Variants in NCOA3 observed in about 807,000 individuals in gnomAD.
The protein encoded by NCOA3 is CBP-interacting protein.
NCOA3 carries 51 observed loss-of-function variants against 158.8 expected under a neutral mutation model. That is an observed-to-expected ratio of 0.32 (90% confidence interval 0.26 to 0.41). The LOEUF (loss-of-function observed/expected upper bound fraction) is 0.41, where lower values mean the gene tolerates loss of function less well. NCOA3 is among the 10% of genes least tolerant of loss of function. The pLI is 1.00. For missense variants in NCOA3, 1,510 were observed against 1,746.6 expected (o/e 0.86, Z 2.41); for synonymous variants, 537 against 592.4 (o/e 0.91, Z 1.36).
intron 1 of NCOA3, among the ~76,000 whole-genome samples, chr20:47,557,529 A>G (rs1032811723): frequency 2.6e-5 from 4 of 152,214 alleles, no homozygotes; most frequent in Non-Finnish European, 5.9e-5. Flanking sequence ...TGTTCCTCTT[A>G]ATCACAAACT....
chr20:47,538,466 C>T (rs1196926521), intron 1 of NCOA3, among the ~76,000 whole-genome samples: 1 of 152,184 alleles, frequency 6.6e-6, no homozygotes, highest in East Asian at 1.9e-4. Flanking sequence ...TTTGTGGACA[C>T]ATAAGATACT....
intron 1 of NCOA3, among the ~76,000 whole-genome samples, chr20:47,513,895 A>G (rs974226039): frequency 3.3e-5 from 5 of 152,096 alleles, no homozygotes; most frequent in Non-Finnish European, 5.9e-5. Context: ...GTGCCCTTCC[A>G]TAAATATATT....
At position 47,571,463 on chromosome 20, in the gene NCOA3, A is replaced by T. The variant is rs537935376; in HGVS notation, c.-98-11720A>T. ...CTCCAGAGTAGCTGGGACTACTGGC[A>T]CACACCACCACACCCGGCTAATTTT... On this transcript the variant is annotated intron_variant, in intron 1 of 22. Transcript: ENST00000371998. Among the ~76,000 whole-genome samples, 10 of 151,792 alleles carry T rather than the reference A, an allele frequency of 6.6e-5. No individual in the cohort carries two copies. The East Asian group carries it at 1.9e-3, about 30-fold the overall frequency.
chr20:47,568,598 G>A (rs1015739401), intron 1 of NCOA3, among the ~76,000 whole-genome samples: 7 of 152,004 alleles, frequency 4.6e-5, no homozygotes, highest in Non-Finnish European at 2.9e-5. Context: ...TGAGACCAGC[G>A]TGGGCAACAT....
Position 47,622,322 on chromosome 20 carries a change from A to G in NCOA3, c.75A>G (p.Pro25=). 6.3e-7 allele frequency: 1 copy of G among 1,599,380 alleles called. No individual in the cohort carries two copies. Among genetic ancestry groups the G allele is most frequent in the Non-Finnish European group, 8.5e-7 (1 of 1,173,024 alleles). The part of the protein sequence containing the change: ...SRKRKLPCDT[P]GQGLTCSGEK... ...AACGCAAATTGCCATGTGATACTCC[A>G]GGACAAGGGTAGGTGACTTATTTCC... The change falls in exon 3 of 23, where the codon CCA becomes CCG. Residue 25 remains proline (P), a synonymous_variant. Transcript: ENST00000371998.
chr20:47,652,738 A>G (rs2086816448), intron 21 of NCOA3, among the ~76,000 whole-genome samples, 158 bp downstream of exon 21: 1 of 152,218 alleles, frequency 6.6e-6, no homozygotes, highest in South Asian at 2.1e-4. Context: ...GAGTCCTTCA[A>G]GCACGCACAT....
chr20:47,636,877 C>G (rs924663385), intron 12 of NCOA3, 115 bp downstream of exon 12: 3 of 936,952 alleles, frequency 3.2e-6, no homozygotes, highest in African/African-American at 3.3e-5. Flanking sequence ...ATCTTTAGCT[C>G]TCATTTCTTT....
intron 1 of NCOA3, among the ~76,000 whole-genome samples, chr20:47,517,107 A>G (rs1712605669): frequency 6.6e-6 from 1 of 151,040 alleles, no homozygotes; most frequent in Non-Finnish European, 1.5e-5. Context: ...AATCCCAGCT[A>G]CTCGGGAGGC....
chr20:47,583,878 C>T (rs2085492097), intron 2 of NCOA3, among the ~76,000 whole-genome samples: 1 of 152,174 alleles, frequency 6.6e-6, no homozygotes, highest in South Asian at 2.1e-4. Flanking sequence ...TTGCCTGTGC[C>T]CATGAGGTTG....
intron 2 of NCOA3, among the ~76,000 whole-genome samples, chr20:47,612,939 T>C (rs564373792): frequency 6.6e-6 from 1 of 152,310 alleles, no homozygotes; most frequent in South Asian, 2.1e-4. Context: ...AACACCTGAG[T>C]TGGCTAATTG....
In NCOA3 at chr20:47,636,395, C is replaced by T; in HGVS notation, c.2009C>T (p.Thr670Ile). The change falls in exon 12 of 23, where the codon ACA (threonine) becomes ATA (isoleucine). Residue 670 changes from threonine (T) to isoleucine (I), a missense_variant. This residue lies in a region of NCOA3 where 1,017 missense variants were observed against 1,098.3 expected (regional missense o/e 0.93). Coordinates refer to ENST00000371998, the MANE Select transcript of NCOA3 (RefSeq NM_181659.3). ...TCTACATCTGGAGGAGTATCCTCTACATCCAATATGCATGGGTCACTGTTA... is the reference window on the plus strand; with the variant it reads ...TCTACATCTGGAGGAGTATCCTCTATATCCAATATGCATGGGTCACTGTTA... ...SSSTSGGVSS[T>I]SNMHGSLLQE... 6.2e-7 allele frequency: 1 copy of T among 1,614,152 alleles called. No homozygotes were observed.
intron 2 of NCOA3, among the ~76,000 whole-genome samples, chr20:47,591,402 C>T (rs1043566325): frequency 2.0e-5 from 3 of 152,202 alleles, no homozygotes; most frequent in African/African-American, 7.2e-5. Context: ...GCATGAGAAT[C>T]TTCAACTGTC....
At chr20:47,602,189 C>G (rs1164353142) in intron 2 of NCOA3, among the ~76,000 whole-genome samples, 1 of 152,076 alleles carries the variant, frequency 6.6e-6, no homozygotes, top group African/African-American at 2.4e-5. Context: ...CCAGATAGCC[C>G]TTTTGTTATA....
chr20:47,619,645 T>TAAA (rs76787208), intron 2 of NCOA3, among the ~76,000 whole-genome samples: 7 of 121,492 alleles, frequency 5.8e-5, no homozygotes, highest in Non-Finnish European at 9.0e-5. Context: ...ACCCTGTCTT[T>TAAA]AAAAAAAAAA....
chr20:47,570,982 A>ATGTGTGTGTGTGTGTGTG (rs1224807146), intron 1 of NCOA3, among the ~76,000 whole-genome samples: 1 of 80,450 alleles, frequency 1.2e-5, no homozygotes, highest in African/African-American at 4.9e-5. Flanking sequence ...GTATATACAT[A>ATGTGTGTGTGTGTGTGTG]TATGTGTGTG....
chr20:47,512,278 T>C (rs889140787), intron 1 of NCOA3, among the ~76,000 whole-genome samples: 2 of 151,998 alleles, frequency 1.3e-5, no homozygotes, highest in East Asian at 1.9e-4. Flanking sequence ...AACTTAAAAA[T>C]AGGCAAAAGA....
intron 1 of NCOA3, among the ~76,000 whole-genome samples, chr20:47,550,944 T>A (rs2084919420): frequency 6.6e-6 from 1 of 152,194 alleles, no homozygotes; most frequent in Admixed American, 6.6e-5. Flanking sequence ...CAGAATAAGA[T>A]GTTTTTCAAT....
chr20:47,626,504 T>C (rs1602506159), intron 5 of NCOA3, among the ~76,000 whole-genome samples: 2 of 151,112 alleles, frequency 1.3e-5, no homozygotes, highest in African/African-American at 4.9e-5. Context: ...CTTCTTTTTT[T>C]TTCCCCCCAG....
intron 17 of NCOA3, among the ~76,000 whole-genome samples, chr20:47,646,415 G>A (rs1037404787): frequency 7.9e-5 from 12 of 152,178 alleles, no homozygotes; most frequent in African/African-American, 2.9e-4. Context: ...AGGAGAACAA[G>A]CCTGCTTGGG....
Sources: allele counts gnomAD v4.1 joint callset (sites outside exome capture counted in the v4.1 genomes callset), GRCh38; gene constraint gnomAD v4.1.1; regional missense constraint gnomAD v4.1.1; transcripts MANE v1.5; gene names NCBI Gene and HGNC (gene_info 2026-07-23, HGNC 2026-07-21).